Variants in SHANK2 observed in about 807,000 individuals in gnomAD.
SHANK2 encodes SH3 and multiple ankyrin repeat domains protein 2.
In SHANK2, 43 loss-of-function variants were observed where a neutral mutation model predicts 133.7. The ratio of observed to expected loss-of-function variants is 0.32; its 90% CI spans 0.25 to 0.41. SHANK2 has a LOEUF of 0.41. Among genes scored for constraint, SHANK2 ranks in the 10% least tolerant of loss-of-function variants. SHANK2 has a pLI of 1.00. For synonymous variants in SHANK2, 1,017 were observed against 952.8 expected, an observed-to-expected ratio of 1.07 and a Z score of -1.24; for missense variants, 1,994 against 2,235.8, an observed-to-expected ratio of 0.89 and a Z score of 2.18.
At chr11:70,910,339 GC>G (rs1480255508) in intron 10 of SHANK2, among the ~76,000 whole-genome samples, 3 of 152,192 alleles carry the variant, frequency 2.0e-5, no homozygotes, top group African/African-American at 4.8e-5. Flanking sequence ...GGTGTCTGAG[GC>G]CTGCACAAGG....
chr11:70,862,535 C>T (rs2135507758), intron 11 of SHANK2, among the ~76,000 whole-genome samples: 1 of 152,112 alleles, frequency 6.6e-6, no homozygotes, highest in African/African-American at 2.4e-5. Context: ...GGCTGATAGA[C>T]TGGACTGGCT....
Position 70,870,059 on chromosome 11 carries a change from G to C in SHANK2, c.1174+26442C>G, listed in dbSNP as rs1350183376. Among the ~76,000 whole-genome samples, 2 of 152,212 alleles carry C rather than the reference G, an allele frequency of 1.3e-5. 1 individual carries two copies. Among genetic ancestry groups the C allele is most frequent in the African/African-American group, 4.8e-5 (2 of 41,544 alleles). On this transcript the variant is annotated intron_variant, in intron 11 of 25. Coordinates refer to ENST00000601538, the MANE Select transcript of SHANK2 (RefSeq NM_012309.5). ...TTGCAGATGTGATCAGTGAGGTTGC[G>C]ACGAGGTAATACTGGATTAGGGAGG...
intron 14 of SHANK2, among the ~76,000 whole-genome samples, chr11:70,751,645 G>A (rs554003132): frequency 1.3e-5 from 2 of 152,108 alleles, no homozygotes; most frequent in African/African-American, 2.4e-5. Flanking sequence ...TTGAAAATAC[G>A]ATGGTTGAAG....
At chr11:71,179,425 T>C (rs936425400) in intron 2 of SHANK2, among the ~76,000 whole-genome samples, 5 of 152,050 alleles carry the variant, frequency 3.3e-5, no homozygotes, top group Admixed American at 6.5e-5. Context: ...CAGGATAAAA[T>C]CCCTCAGCAA....
At chr11:70,675,480 G>A (rs933044410) in intron 15 of SHANK2, among the ~76,000 whole-genome samples, 7 of 152,232 alleles carry the variant, frequency 4.6e-5, no homozygotes. Context: ...ACCACTGTGG[G>A]TTACTGAACG....
intron 10 of SHANK2, among the ~76,000 whole-genome samples, chr11:70,917,584 G>A (rs1440681662): frequency 6.6e-6 from 1 of 152,130 alleles, no homozygotes; most frequent in Non-Finnish European, 1.5e-5. Flanking sequence ...ATTCACAATA[G>A]CAATGACATG....
chr11:70,598,931 A>AC (rs1211814878), intron 17 of SHANK2, among the ~76,000 whole-genome samples: 1 of 151,638 alleles, frequency 6.6e-6, no homozygotes, highest in African/African-American at 2.4e-5. Flanking sequence ...CATGTCAAAA[A>AC]AAAAAAAAAA....
At chr11:70,665,076 G>A (rs929650238) in intron 15 of SHANK2, among the ~76,000 whole-genome samples, 4 of 152,142 alleles carry the variant, frequency 2.6e-5, no homozygotes, top group South Asian at 2.1e-4. Context: ...TCCTCCTACA[G>A]GGACCCCTCT....
At chr11:70,836,920 G>A (rs1346907523) in intron 11 of SHANK2, among the ~76,000 whole-genome samples, 1 of 152,178 alleles carries the variant, frequency 6.6e-6, no homozygotes, top group Admixed American at 6.5e-5. Flanking sequence ...CAAGGAGGTG[G>A]GACCCCATGA....
chr11:71,200,448 CTA>C (rs369553728), intron 2 of SHANK2, among the ~76,000 whole-genome samples: 8 of 152,166 alleles, frequency 5.3e-5, no homozygotes, highest in Admixed American at 2.6e-4. Flanking sequence ...TCACTCGTAC[CTA>C]TGATTCCATT....
chr11:70,781,632 C>T (rs550332984), intron 14 of SHANK2, among the ~76,000 whole-genome samples: 7 of 128,888 alleles, frequency 5.4e-5, no homozygotes, highest in East Asian at 5.1e-4. Flanking sequence ...ATGTGCACAA[C>T]GTGCAGGTTT....
chr11:70,492,185 T>C, intron 22 of SHANK2, 150 bp downstream of exon 22: 1 of 1,159,516 alleles, frequency 8.6e-7, no homozygotes, highest in East Asian at 2.4e-5. Flanking sequence ...GACCCGGCTC[T>C]TTGTCCTGTG....
chr11:70,943,578 G>A (rs1555084763), intron 10 of SHANK2, among the ~76,000 whole-genome samples: 1 of 152,182 alleles, frequency 6.6e-6, no homozygotes, highest in Non-Finnish European at 1.5e-5. Flanking sequence ...GGCAGGGACA[G>A]GGGCTGAGGA....
chr11:71,226,857 A>G (rs1429582038), intron 1 of SHANK2, among the ~76,000 whole-genome samples: 1 of 152,174 alleles, frequency 6.6e-6, no homozygotes, highest in African/African-American at 2.4e-5. Context: ...TTTGGCAAAT[A>G]TAATAGGCTT....
intron 25 of SHANK2, among the ~76,000 whole-genome samples, chr11:70,483,536 CAAAAA>C (rs10590898): frequency 4.5e-5 from 2 of 44,518 alleles, no homozygotes; most frequent in Admixed American, 3.2e-4. Flanking sequence ...TCATCTCTAC[CAAAAA>C]AAAAAAAAAA....
At chr11:71,241,583 C>T (rs568785288) in intron 1 of SHANK2, among the ~76,000 whole-genome samples, 2 of 152,250 alleles carry the variant, frequency 1.3e-5, no homozygotes, top group African/African-American at 4.8e-5. Context: ...CACTCTCCCC[C>T]CTGCTACTGT....
At chr11:70,659,147 C>T (rs529611038) in intron 17 of SHANK2, among the ~76,000 whole-genome samples, 5 of 152,208 alleles carry the variant, frequency 3.3e-5, no homozygotes, top group East Asian at 3.9e-4. Flanking sequence ...CACACACCAA[C>T]GTGCCAACCG....
rs1555158172 is a variant in SHANK2 at position 70,500,545 on chromosome 11, G to T, written c.2308+25C>A. 1 of 1,598,646 alleles carries T rather than the reference G, an allele frequency of 6.3e-7. No individual in the cohort carries two copies. Among genetic ancestry groups the T allele is most frequent in the Admixed American group, 1.7e-5 (1 of 57,860 alleles). ...ACAGGGGGGTGATGGGCAGGGGGCT[G>T]AGACAGACACTGGGCCTCCCTTACC... On this transcript the variant is annotated intron_variant, in intron 21 of 25. Transcript: ENST00000601538. The surrounding 1 kb of genome is among the most constrained non-coding windows in gnomAD (Gnocchi z 4.5).
At chr11:71,196,997 CAAAA>C (rs71467429) in intron 2 of SHANK2, among the ~76,000 whole-genome samples, 3 of 81,914 alleles carry the variant, frequency 3.7e-5, no homozygotes, top group Admixed American at 1.4e-4. Context: ...GACTCTGTCT[CAAAA>C]AAAAAAAAAA....
Sources: gnomAD v4.1 joint callset for allele counts (sites outside exome capture counted in the v4.1 genomes callset) on GRCh38, gnomAD v4.1.1 for gene constraint, Gnocchi (gnomAD v3.1) non-coding constraint, MANE v1.5 for transcripts, NCBI Gene and HGNC (gene_info 2026-07-23, HGNC 2026-07-21) for gene names.